Variants in DOCK8 observed in about 807,000 individuals in gnomAD.
DOCK8 encodes the protein dedicator of cytokinesis 8.
A neutral mutation model predicts 245.6 loss-of-function variants in DOCK8; 141 were observed. The observed-to-expected ratio is 0.57, with a 90% CI of 0.50 to 0.66. The LOEUF (loss-of-function observed/expected upper bound fraction) is 0.66. Ranked by LOEUF, DOCK8 falls within the 30% of genes least tolerant of loss-of-function variation. The pLI is 0.00. For synonymous variants in DOCK8, 1,168 were observed against 970.2 expected (o/e 1.20, Z -3.79); for missense variants, 2,965 against 2,603.4 (o/e 1.14, Z -3.02).
intron 14 of DOCK8, among the ~76,000 whole-genome samples, chr9:343,843 A>T (rs144945551): frequency 6.6e-6 from 1 of 152,232 alleles, no homozygotes; most frequent in Admixed American, 6.5e-5. Flanking sequence ...CTTGCATCCA[A>T]TGAATTCTGT....
intron 34 of DOCK8, 107 bp downstream of exon 34, chr9:427,088 AC>A (rs1356406736): frequency 1.1e-6 from 1 of 931,846 alleles, no homozygotes; most frequent in African/African-American, 1.6e-5. Flanking sequence ...ATCCCATAGT[AC>A]CTTTTTTAAA....
rs532240318 is a variant in DOCK8 at position 231,394 on chromosome 9, TG to T, written c.53+16367del. Among the ~76,000 whole-genome samples the T allele has an allele frequency of 1.4e-3, 214 of 152,294 alleles. 2 individuals carry two copies. Among genetic ancestry groups the T allele is most frequent in the Non-Finnish European group, 2.3e-3 (156 of 68,026 alleles). Reference sequence around the variant, plus strand: ...TGACTTGGTGATGCAGGCTCTTTTTTGGTTCCATATGAACTTTAAAGTAGTT... The same window carrying T: ...TGACTTGGTGATGCAGGCTCTTTTTTGTTCCATATGAACTTTAAAGTAGTT... On this transcript the variant is annotated intron_variant, in intron 1 of 47. Transcript: ENST00000432829.
At position 378,287 on chromosome 9, in the gene DOCK8, G is replaced by A. The variant is rs568641691; in HGVS notation, c.2440+1076G>A. The stretch of plus-strand genomic sequence containing the variant: ...AGAAGGGATAGAGTGAAAACCGACA[G>A]AATAGGGGCAATGAGATGAGTGCAG... On this transcript the variant is annotated intron_variant, in intron 20 of 47. Transcript: ENST00000432829. 2.6e-5 allele frequency among the ~76,000 whole-genome samples: 4 copies of A among 152,342 alleles called. No homozygotes were observed. The South Asian group carries it at 8.3e-4, about 32-fold the overall frequency.
At chr9:450,944 C>T (rs750912840) in intron 45 of DOCK8, among the ~76,000 whole-genome samples, 1 of 151,548 alleles carries the variant, frequency 6.6e-6, no homozygotes, top group Non-Finnish European at 1.5e-5. Context: ...CAACTCAAAG[C>T]ACATACCATT....
At chr9:417,767 C>G (rs571803373) in intron 29 of DOCK8, among the ~76,000 whole-genome samples, 1 of 152,072 alleles carries the variant, frequency 6.6e-6, no homozygotes, top group South Asian at 2.1e-4. Flanking sequence ...AAAATAATGC[C>G]AATTATTAGA....
intron 14 of DOCK8, among the ~76,000 whole-genome samples, chr9:360,122 C>T (rs1181258807): frequency 3.3e-5 from 5 of 151,916 alleles, no homozygotes; most frequent in Non-Finnish European, 5.9e-5. Context: ...TCGACACCAG[C>T]CTGGCCAACA....
intron 24 of DOCK8, among the ~76,000 whole-genome samples, chr9:392,672 T>C (rs1453621368): frequency 2.0e-5 from 3 of 152,022 alleles, no homozygotes; most frequent in Admixed American, 6.5e-5. Context: ...TTTTTTTTCA[T>C]TCCAAAAGCC....
chr9:311,361 A>C (rs1392541881), intron 5 of DOCK8, among the ~76,000 whole-genome samples: 3 of 150,058 alleles, frequency 2.0e-5, no homozygotes, highest in African/African-American at 7.3e-5. Flanking sequence ...CTTCCTACCT[A>C]AACCTCCCAA....
chr9:362,576 C>T lies in DOCK8; in HGVS notation c.1680-5442C>T, dbSNP rs188169241. 5.6e-3 allele frequency among the ~76,000 whole-genome samples: 856 copies of T among 152,292 alleles called. 6 individuals carry two copies. Among genetic ancestry groups the T allele is most frequent in the Non-Finnish European group, 8.0e-3 (541 of 68,036 alleles). ...TGATAGGGGCCTTCACTCCTCTTGT[C>T]GAGCTGCTCCTCTCTCCTCTCAAAG... On this transcript the variant is annotated intron_variant, in intron 14 of 47. Transcript: ENST00000432829.
intron 5 of DOCK8, among the ~76,000 whole-genome samples, chr9:307,662 G>A (rs1393412085): frequency 1.3e-5 from 2 of 151,844 alleles, no homozygotes; most frequent in Non-Finnish European, 1.5e-5. Context: ...CCGGCCCACT[G>A]TCTGTGTTTA....
At position 304,677 on chromosome 9, in the gene DOCK8, C is replaced by T. The variant is rs775370571; in HGVS notation, c.501C>T (p.Thr167=). ...CGAAACAGACGTTTGAGTCGGAAAC[C>T]TTGGAGTGCAGTGAACCCGCTGCTC... ...TLPKQTFESE[T]LECSEPAAQA... is the part of the protein sequence containing the mutation. Residue 167 remains threonine (T), a synonymous_variant, in exon 5 of 48, where the codon ACC becomes ACT. Transcript: ENST00000432829. 1.2e-6 allele frequency: 2 copies of T among 1,614,144 alleles called. No homozygotes were observed. Among genetic ancestry groups the T allele is most frequent in the Non-Finnish European group, 1.7e-6 (2 of 1,180,012 alleles).
Position 396,806 on chromosome 9 carries a change from G to C in DOCK8, c.2992G>C (p.Val998Leu). Residue 998 changes from valine (V) to leucine (L), a missense_variant, in exon 25 of 48, where the codon GTA becomes CTA. Physicochemically the swap from Val to Leu is conservative, Grantham distance 32. Around this residue, in one of 3 missense-constraint regions of DOCK8, gnomAD observed 2,825 missense variants for 2,453.5 expected, o/e 1.15. Transcript: ENST00000432829. The stretch of plus-strand genomic sequence containing the variant: ...GCAGGTGAAAAGCATGGCCCAGCAC[G>C]TACATAACATGGACAAACGGGACAG... Reference protein sequence around the residue: ...ELLVKSMAQHVHNMDKRDSFR... With the variant: ...ELLVKSMAQHLHNMDKRDSFR... 6.2e-7 allele frequency: 1 copy of C among 1,614,056 alleles called. No individual in the cohort carries two copies. Among genetic ancestry groups the C allele is most frequent in the Non-Finnish European group, 8.5e-7 (1 of 1,180,028 alleles).
intron 14 of DOCK8, among the ~76,000 whole-genome samples, chr9:342,032 C>A (rs1474794939): frequency 6.6e-6 from 1 of 152,168 alleles, no homozygotes; most frequent in Non-Finnish European, 1.5e-5. Flanking sequence ...CTCAGGGCTC[C>A]TACTGATTCT....
At chr9:435,323 A>G (rs996423382) in intron 39 of DOCK8, among the ~76,000 whole-genome samples, 2 of 152,200 alleles carry the variant, frequency 1.3e-5, no homozygotes, top group Non-Finnish European at 2.9e-5. Flanking sequence ...GCCATTATTA[A>G]TAGCACTTTA....
chr9:400,036 A>ACCTTCT (rs1564011717), intron 26 of DOCK8, among the ~76,000 whole-genome samples: 1 of 128,360 alleles, frequency 7.8e-6, no homozygotes, highest in Non-Finnish European at 1.6e-5. Context: ...CACCATCACC[A>ACCTTCT]CCACCACCTC....
At position 392,410 on chromosome 9, in the gene DOCK8, T is replaced by G. The variant is rs182689249; in HGVS notation, c.2970+1844T>G. ...TTTTGCAAAGTCCCAACCTCTGTTT[T>G]GAGAAGGGTCCCAAAGCATGGTCCC... is the stretch of plus-strand genomic sequence containing the variant. On this transcript the variant is annotated intron_variant, in intron 24 of 47. Coordinates refer to ENST00000432829, the MANE Select transcript of DOCK8 (RefSeq NM_203447.4). Among the ~76,000 whole-genome samples the G allele has an allele frequency of 3.1e-3, 469 of 152,328 alleles. 3 individuals are homozygous for G. The highest frequency in any genetic ancestry group is 7.4e-3 in the Admixed American group (113 of 15,302).
rs1042640237 is a variant in DOCK8, at chr9:417,922, G to T, written c.3701-146G>T. On this transcript the variant is annotated intron_variant, in intron 29 of 47. Transcript: ENST00000432829. ...CTTAGCCTGCTGTGTTTTCCTATAGGTGATAGCAGATACATAATGCTAAAC... is the reference window on the plus strand; with the variant it reads ...CTTAGCCTGCTGTGTTTTCCTATAGTTGATAGCAGATACATAATGCTAAAC... 1.6e-5 allele frequency: 15 copies of T among 940,016 alleles called. No individual in the cohort carries two copies. In the African/African-American group the frequency reaches 2.1e-4, roughly 13 times the overall value. 58.2% of individuals were successfully genotyped at this position (940,016 alleles called of 1,614,324 possible). A position where few individuals can be genotyped will look rare whatever the true frequency, so the allele number is the denominator to read the frequency against.
chr9:245,328 C>T (rs1486471488), intron 1 of DOCK8, among the ~76,000 whole-genome samples: 1 of 152,148 alleles, frequency 6.6e-6, no homozygotes, highest in Non-Finnish European at 1.5e-5. Context: ...CCTCAGCCTC[C>T]CCAATAGCTA....
rs368469907 is a variant in DOCK8, at chr9:261,995, AGG to A, written c.54-9631_54-9630del. Among the ~76,000 whole-genome samples the A allele has an allele frequency of 4.1e-4, 26 of 64,138 alleles. No individual in the cohort carries two copies. The Admixed American group carries it at 4.1e-3, about 10-fold the overall frequency. The allele number at this position is 64,138 out of a possible 152,430, so 42.1% of individuals were successfully genotyped here. On this transcript the variant is annotated intron_variant, in intron 1 of 47. Coordinates refer to ENST00000432829, the MANE Select transcript of DOCK8 (RefSeq NM_203447.4). ...TATTTAAAATGTGTCAAAAGAAAGAAGGAGAAAGAAAGAAAGAAAGAAAGAAA... is the reference window on the plus strand; with the variant it reads ...TATTTAAAATGTGTCAAAAGAAAGAAAGAAAGAAAGAAAGAAAGAAAGAAA...
Sources: allele counts gnomAD v4.1 joint callset (sites outside exome capture counted in the v4.1 genomes callset), GRCh38; gene constraint gnomAD v4.1.1; regional missense constraint gnomAD v4.1.1; transcripts MANE v1.5; gene names NCBI Gene and HGNC (gene_info 2026-07-23, HGNC 2026-07-21).